PGBD5: variants seen among roughly 807,000 people sequenced by gnomAD.
The protein encoded by PGBD5 is piggyBac transposable element derived 5.
Under a neutral mutation model 47.9 loss-of-function variants are expected in PGBD5, and 14 were observed. The observed-to-expected ratio is 0.29, with a 90% confidence interval of 0.19 to 0.46. PGBD5 has a LOEUF of 0.46. Among genes scored for constraint, PGBD5 ranks in the 20% least tolerant of loss-of-function variants. The probability of loss-of-function intolerance (pLI) is 1.00; values close to 1 mark genes in which losing one functional copy is unlikely to be tolerated. For missense variants in PGBD5, 635 were observed against 716.0 expected (o/e 0.89, Z 1.29); for synonymous variants, 316 against 306.3 (o/e 1.03, Z -0.33).
chr1:230,376,125 C>T (rs564376371), intron 1 of PGBD5, among the ~76,000 whole-genome samples: 1 of 152,024 alleles, frequency 6.6e-6, no homozygotes, highest in African/African-American at 2.4e-5. Context: ...CACAGGGTGT[C>T]CAAGGTGGGA....
intron 1 of PGBD5, among the ~76,000 whole-genome samples, chr1:230,423,913 G>A (rs1352870919): frequency 6.6e-6 from 1 of 152,190 alleles, no homozygotes; most frequent in Non-Finnish European, 1.5e-5. Context: ...GTGCTGCGGT[G>A]GCTGGATTAA....
rs1302644428 is a variant in PGBD5, at chr1:230,357,985, C to G, written c.332-664G>C. Reference sequence around the variant, plus strand: ...ACACATACATACACACACATACATACATACATACACAGGCACACACACATA... The same window carrying G: ...ACACATACATACACACACATACATAGATACATACACAGGCACACACACATA... On this transcript the variant is annotated intron_variant, in intron 1 of 6. Transcript: ENST00000391860. This position sits in a 1 kb window ranked among gnomAD's most constrained non-coding sequence, Gnocchi z 5.7. Among the ~76,000 whole-genome samples, 1 of 151,994 alleles carries G rather than the reference C, an allele frequency of 6.6e-6. No individual in the cohort carries two copies. Among genetic ancestry groups the G allele is most frequent in the Non-Finnish European group, 1.5e-5 (1 of 68,002 alleles).
At chr1:230,392,417 T>A (rs570237737) in intron 1 of PGBD5, among the ~76,000 whole-genome samples, 3 of 152,254 alleles carry the variant, frequency 2.0e-5, no homozygotes, top group African/African-American at 7.2e-5. Flanking sequence ...CAGGCTTTGA[T>A]GACAGGCCTG....
In PGBD5 at chr1:230,357,120, C is replaced by G. The variant is rs1414284908; in HGVS notation, c.533G>C (p.Ser178Thr). 2 of 1,614,186 alleles carry G rather than the reference C, an allele frequency of 1.2e-6. No homozygotes were observed. Among genetic ancestry groups the G allele is most frequent in the South Asian group, 2.2e-5 (2 of 91,076 alleles). ...KAFLGYMIST[S>T]ISHCESVLSI... is the part of the protein sequence containing the mutation. ...GAGGACGGACTCGCAGTGGGAGATG[C>G]TGGTGGAGATCATGTAGCCCAGGAA... The change falls in exon 2 of 7, where the codon AGC (serine) becomes ACC (threonine). Residue 178 changes from serine (S) to threonine (T), a missense_variant. Transcript: ENST00000391860. This position sits in a 1 kb window ranked among gnomAD's most constrained non-coding sequence, Gnocchi z 5.7.
intron 5 of PGBD5, among the ~76,000 whole-genome samples, chr1:230,328,396 C>T (rs1356630363): frequency 6.6e-6 from 1 of 152,196 alleles, no homozygotes; most frequent in Admixed American, 6.5e-5. Flanking sequence ...CCTCCTCTCC[C>T]TATGATATTT....
intron 1 of PGBD5, among the ~76,000 whole-genome samples, chr1:230,424,292 T>C (rs917320287): frequency 3.3e-5 from 5 of 152,224 alleles, no homozygotes; most frequent in African/African-American, 7.2e-5. Context: ...AAAAGGACTA[T>C]AGAGAGTCAA....
intron 1 of PGBD5, among the ~76,000 whole-genome samples, chr1:230,394,330 G>A (rs1379598442): frequency 2.0e-5 from 3 of 151,714 alleles, no homozygotes; most frequent in Non-Finnish European, 2.9e-5. Flanking sequence ...CAGGAGTGGC[G>A]GTTTTCGAGT....
At chr1:230,358,020 ACATAC>A (rs1375568957) in intron 1 of PGBD5, among the ~76,000 whole-genome samples, 1 of 152,062 alleles carries the variant, frequency 6.6e-6, no homozygotes, top group African/African-American at 2.4e-5. Context: ...ATATACACAT[ACATAC>A]ATTTAAAAAT....
intron 3 of PGBD5, among the ~76,000 whole-genome samples, chr1:230,338,796 A>G (rs1271033842): frequency 6.6e-6 from 1 of 152,112 alleles, no homozygotes; most frequent in Non-Finnish European, 1.5e-5. Context: ...GCGAAATTCC[A>G]TCTCAAAAAT....
At chr1:230,404,679 C>T (rs986407551) in intron 1 of PGBD5, among the ~76,000 whole-genome samples, 1 of 148,620 alleles carries the variant, frequency 6.7e-6, no homozygotes, top group Non-Finnish European at 1.5e-5. Flanking sequence ...CGCCTGTAAT[C>T]CCAGCACTTT....
chr1:230,387,310 C>T (rs1656664189), intron 1 of PGBD5, among the ~76,000 whole-genome samples: 2 of 152,220 alleles, frequency 1.3e-5, no homozygotes, highest in Non-Finnish European at 2.9e-5. Context: ...ATAAATTAGG[C>T]TTACTGATAG....
intron 1 of PGBD5, among the ~76,000 whole-genome samples, chr1:230,405,204 A>G (rs1256562958): frequency 6.6e-6 from 1 of 151,698 alleles, no homozygotes; most frequent in African/African-American, 2.4e-5. Flanking sequence ...CAAAAAAAAA[A>G]AAAAGATATA....
chr1:230,356,203 G>A (rs1413755412), intron 2 of PGBD5, among the ~76,000 whole-genome samples: 1 of 152,200 alleles, frequency 6.6e-6, no homozygotes. Flanking sequence ...TCATCGGTTT[G>A]CTAGACCAGC....
At chr1:230,352,624 G>A (rs1021864283) in intron 2 of PGBD5, among the ~76,000 whole-genome samples, 3 of 152,150 alleles carry the variant, frequency 2.0e-5, no homozygotes, top group Admixed American at 6.6e-5. Context: ...GACACATGGG[G>A]ACATCACATG....
chr1:230,353,905 T>C (rs1467764223), intron 2 of PGBD5, among the ~76,000 whole-genome samples: 1 of 152,232 alleles, frequency 6.6e-6, no homozygotes, highest in Non-Finnish European at 1.5e-5. Context: ...AAGAACTCTC[T>C]TCCTTCTTTA....
Position 230,369,711 on chromosome 1 carries a change from C to T in PGBD5, c.332-12390G>A, listed in dbSNP as rs987788939. On this transcript the variant is annotated intron_variant, in intron 1 of 6. Transcript: ENST00000391860. ...AAGGGTCCATGGGCAGGATCCTGAT[C>T]CCTTTCCACAACCCTGGGGTACTCA... 9.9e-5 allele frequency among the ~76,000 whole-genome samples: 15 copies of T among 152,120 alleles called. 1 individual carries two copies. The highest frequency in any genetic ancestry group is 6.2e-4 in the South Asian group (3 of 4,822).
intron 1 of PGBD5, among the ~76,000 whole-genome samples, chr1:230,378,167 G>A (rs11581463): frequency 0.27 from 41,611 of 152,146 alleles, 6,758 homozygotes; most frequent in Non-Finnish European, 0.36. Flanking sequence ...AGGATTTTAA[G>A]CTACCACATG....
At chr1:230,401,932 C>A (rs577096977) in intron 1 of PGBD5, among the ~76,000 whole-genome samples, 19 of 152,278 alleles carry the variant, frequency 1.2e-4, no homozygotes, top group African/African-American at 4.6e-4. Context: ...TGAGAGCTGA[C>A]GGACTCTGAT....
chr1:230,330,417 C>A (rs1162758360), intron 5 of PGBD5, among the ~76,000 whole-genome samples: 2 of 152,222 alleles, frequency 1.3e-5, no homozygotes, highest in Non-Finnish European at 2.9e-5. Context: ...ATGAAGACAT[C>A]ACTGTATCAT....
Sources: allele counts gnomAD v4.1 joint callset (sites outside exome capture counted in the v4.1 genomes callset), GRCh38; gene constraint gnomAD v4.1.1; non-coding constraint Gnocchi (gnomAD v3.1); transcripts MANE v1.5; gene names NCBI Gene and HGNC (gene_info 2026-07-23, HGNC 2026-07-21).